DLG2: variants seen among roughly 807,000 people sequenced by gnomAD.
DLG2 encodes the protein discs large MAGUK scaffold protein 2, also known as disks large homolog 2.
A neutral mutation model predicts 132.5 loss-of-function variants in DLG2; 45 were observed. The observed-to-expected ratio is 0.34, with a 90% confidence interval of 0.27 to 0.44. The LOEUF is 0.44. Among genes scored for constraint, DLG2 ranks in the 20% least tolerant of loss-of-function variants. DLG2 has a pLI of 1.00. For synonymous variants in DLG2, 424 were observed against 419.6 expected (o/e 1.01, Z -0.13); for missense variants, 1,045 against 1,196.9 (o/e 0.87, Z 1.87).
chr11:83,750,175 C>G (rs2093209546), intron 18 of DLG2, among the ~76,000 whole-genome samples: 1 of 152,152 alleles, frequency 6.6e-6, no homozygotes, highest in African/African-American at 2.4e-5. Context: ...CCATCTGAAG[C>G]AGCTCACTGG....
intron 3 of DLG2, among the ~76,000 whole-genome samples, chr11:85,422,775 G>A (rs757876890): frequency 7.9e-5 from 12 of 152,036 alleles, no homozygotes; most frequent in Non-Finnish European, 7.4e-5. Flanking sequence ...ACAGGCACGA[G>A]ACACCACACC....
chr11:85,603,115 G>T (rs539548874), intron 2 of DLG2, among the ~76,000 whole-genome samples: 3 of 152,256 alleles, frequency 2.0e-5, no homozygotes, highest in African/African-American at 4.8e-5. Flanking sequence ...TATTAACAAA[G>T]AATGGTGATA....
chr11:84,591,223 C>CTGTGTGTGTGTGTGTGTG lies in DLG2; in HGVS notation c.358-56510_358-56493dup, dbSNP rs781411791. ...TAAACACTGCTATATATGTGTCTCT[C>CTGTGTGTGTGTGTGTGTG]TGTGTGTGTGTGTGTGTGTGTGTGT... On this transcript the variant is annotated intron_variant, in intron 6 of 27. Transcript: ENST00000376104. 2.2e-4 allele frequency among the ~76,000 whole-genome samples: 31 copies of CTGTGTGTGTGTGTGTGTG among 139,286 alleles called. 1 individual carries two copies. Among genetic ancestry groups the CTGTGTGTGTGTGTGTGTG allele is most frequent in the South Asian group, 1.2e-3 (5 of 4,140 alleles). The allele number at this position is 139,286 out of a possible 152,430, so 91.4% of individuals were successfully genotyped here.
At chr11:84,890,547 C>T (rs992637606) in intron 6 of DLG2, among the ~76,000 whole-genome samples, 1 of 152,162 alleles carries the variant, frequency 6.6e-6, no homozygotes, top group Non-Finnish European at 1.5e-5. Context: ...CTCCCCAACC[C>T]TAAACATTCT....
At chr11:85,123,659 T>C (rs753485936) in intron 5 of DLG2, among the ~76,000 whole-genome samples, 1 of 152,192 alleles carries the variant, frequency 6.6e-6, no homozygotes, top group Non-Finnish European at 1.5e-5. Flanking sequence ...ATTTACTTAA[T>C]AGGTAAATAG....
intron 6 of DLG2, among the ~76,000 whole-genome samples, chr11:84,733,391 G>C (rs962483670): frequency 6.6e-6 from 1 of 152,184 alleles, no homozygotes; most frequent in South Asian, 2.1e-4. Context: ...CTGATGGCCA[G>C]TGATGATGAG....
chr11:84,862,735 C>T (rs145885369), intron 6 of DLG2, among the ~76,000 whole-genome samples: 1,671 of 144,986 alleles, frequency 0.012, 17 homozygotes, highest in South Asian at 0.026. Context: ...AACCAAACGT[C>T]GCATGTTCTC....
At chr11:84,854,117 G>T (rs1434172924) in intron 6 of DLG2, among the ~76,000 whole-genome samples, 2 of 151,910 alleles carry the variant, frequency 1.3e-5, no homozygotes, top group Admixed American at 6.6e-5. Context: ...TTGGGTTCCA[G>T]CCTAGTTCCC....
intron 4 of DLG2, among the ~76,000 whole-genome samples, chr11:85,253,319 T>C (rs1247076724): frequency 1.3e-5 from 2 of 152,192 alleles, no homozygotes; most frequent in Non-Finnish European, 1.5e-5. Flanking sequence ...GTTATGATGG[T>C]ACTACTCATA....
chr11:84,821,241 C>T lies in DLG2; in HGVS notation c.358-286510G>A, dbSNP rs1598886636. On this transcript the variant is annotated intron_variant, in intron 6 of 27. Coordinates refer to ENST00000376104, the MANE Select transcript of DLG2 (RefSeq NM_001142699.3). The stretch of plus-strand genomic sequence containing the variant: ...TCTTCCCAAAGACAGACCACTTTCA[C>T]TTACTACAATCTTATGATTCATGAA... Among the ~76,000 whole-genome samples the T allele has an allele frequency of 2.6e-5, 4 of 151,824 alleles. No individual in the cohort carries two copies. In the South Asian group the frequency reaches 8.3e-4, roughly 31 times the overall value.
intron 4 of DLG2, among the ~76,000 whole-genome samples, chr11:85,228,528 C>T (rs534539362): frequency 6.6e-6 from 1 of 152,134 alleles, no homozygotes; most frequent in Non-Finnish European, 1.5e-5. Flanking sequence ...ACCAAGGGTT[C>T]AAGATATCTG....
At chr11:83,577,596 T>C (rs1305285158) in intron 19 of DLG2, among the ~76,000 whole-genome samples, 2 of 89,098 alleles carry the variant, frequency 2.2e-5, no homozygotes, top group South Asian at 3.5e-4. Flanking sequence ...ATCCTATTTA[T>C]AATAGGATAT....
intron 3 of DLG2, among the ~76,000 whole-genome samples, chr11:85,395,353 T>A (rs1369466710): frequency 6.6e-6 from 1 of 151,556 alleles, no homozygotes; most frequent in Non-Finnish European, 1.5e-5. Context: ...AGAAGAGGGG[T>A]GGTTTCTGCA....
chr11:84,918,387 T>G (rs1320802513), intron 6 of DLG2, among the ~76,000 whole-genome samples: 1 of 152,182 alleles, frequency 6.6e-6, no homozygotes, highest in Non-Finnish European at 1.5e-5. Context: ...TTAGTGTGAC[T>G]GGGTTCCAGT....
intron 6 of DLG2, among the ~76,000 whole-genome samples, chr11:84,567,551 C>A (rs186113023): frequency 0.015 from 2,323 of 151,722 alleles, 68 homozygotes; most frequent in African/African-American, 0.053. Flanking sequence ...AACACATCTT[C>A]TTTTCACTTC....
intron 3 of DLG2, among the ~76,000 whole-genome samples, chr11:85,401,748 A>G (rs2088139687): frequency 6.6e-6 from 1 of 152,172 alleles, no homozygotes; most frequent in Admixed American, 6.6e-5. Flanking sequence ...AATTACTACA[A>G]AGAGAATAAA....
intron 6 of DLG2, among the ~76,000 whole-genome samples, chr11:85,110,504 T>A (rs2072540362): frequency 6.6e-6 from 1 of 152,088 alleles, no homozygotes; most frequent in Non-Finnish European, 1.5e-5. Context: ...CCTCTGATCA[T>A]CTGCTCAAAA....
intron 6 of DLG2, among the ~76,000 whole-genome samples, chr11:84,576,451 T>C (rs1277909030): frequency 6.6e-6 from 1 of 152,186 alleles, no homozygotes; most frequent in Non-Finnish European, 1.5e-5. Flanking sequence ...AGAAAATGCT[T>C]CACTGAGGAG....
At position 83,601,840 on chromosome 11, in the gene DLG2, G is replaced by A. The variant is rs550968244; in HGVS notation, c.1940+31371C>T. Among the ~76,000 whole-genome samples the A allele has an allele frequency of 3.3e-5, 5 of 152,104 alleles. No homozygotes were observed. In the South Asian group the frequency reaches 1.0e-3, roughly 32 times the overall value. ...GCTCAGCCGTCAATGAAGTTCTTAA[G>A]GAGAAGAACAACTTGCTGTGATCAC... On this transcript the variant is annotated intron_variant, in intron 19 of 27. Coordinates refer to ENST00000376104, the MANE Select transcript of DLG2 (RefSeq NM_001142699.3).
Sources: gnomAD v4.1 joint callset for allele counts (sites outside exome capture counted in the v4.1 genomes callset) on GRCh38, gnomAD v4.1.1 for gene constraint, MANE v1.5 for transcripts, NCBI Gene and HGNC (gene_info 2026-07-23, HGNC 2026-07-21) for gene names.